Variants in FNDC3B observed in about 807,000 individuals in gnomAD.
FNDC3B encodes fibronectin type III domain containing 3B.
Under a neutral mutation model 151.5 loss-of-function variants are expected in FNDC3B, and 12 were observed. The observed-to-expected ratio is 0.08, with a 90% CI of 0.05 to 0.13. The LOEUF (loss-of-function observed/expected upper bound fraction) is 0.13. FNDC3B is among the 10% of genes least tolerant of loss of function. The pLI, the probability that FNDC3B is intolerant of heterozygous loss-of-function variation, is 1.00. For synonymous variants in FNDC3B, 528 were observed against 549.0 expected, an observed-to-expected ratio of 0.96 and a Z score of 0.54; for missense variants, 1,214 against 1,505.3, an observed-to-expected ratio of 0.81 and a Z score of 3.20.
intron 7 of FNDC3B, among the ~76,000 whole-genome samples, chr3:172,287,326 A>G (rs1338135228): frequency 6.6e-6 from 1 of 151,926 alleles, no homozygotes; most frequent in Non-Finnish European, 1.5e-5. Context: ...ACTGTCAGGG[A>G]CTCTGGAAAG....
chr3:172,232,487 T>G (rs1726941194), intron 4 of FNDC3B, among the ~76,000 whole-genome samples: 1 of 152,176 alleles, frequency 6.6e-6, no homozygotes, highest in Non-Finnish European at 1.5e-5. Flanking sequence ...TACAGATAAC[T>G]GTGGACTTAG....
At position 172,109,837 on chromosome 3, in the gene FNDC3B, A is replaced by G. The variant is rs576452188; in HGVS notation, c.-28-2615A>G. ...GTCTATGAAGTTTTCAAAAGCAAAT[A>G]TAATGATCTCCTTGTGCCAGTGGAC... On this transcript the variant is annotated intron_variant, in intron 1 of 25. Coordinates refer to ENST00000415807, the MANE Select transcript of FNDC3B (RefSeq NM_022763.4). Among the ~76,000 whole-genome samples the G allele has an allele frequency of 3.9e-5, 6 of 152,374 alleles. No individual in the cohort carries two copies. In the South Asian group the frequency reaches 1.0e-3, roughly 26 times the overall value.
intron 23 of FNDC3B, among the ~76,000 whole-genome samples, chr3:172,369,032 T>G (rs1439517667): frequency 6.6e-6 from 1 of 152,166 alleles, no homozygotes; most frequent in African/African-American, 2.4e-5. Flanking sequence ...AGTAACATTT[T>G]TGTTTCTTAG....
chr3:172,110,671 CAG>C (rs1559970325), intron 1 of FNDC3B, among the ~76,000 whole-genome samples: 1 of 151,840 alleles, frequency 6.6e-6, no homozygotes, highest in African/African-American at 2.4e-5. Flanking sequence ...GAGAAGACAA[CAG>C]AGCCACAGTC....
intron 7 of FNDC3B, among the ~76,000 whole-genome samples, chr3:172,289,286 A>T (rs1198202835): frequency 1.5e-4 from 23 of 152,136 alleles, no homozygotes; most frequent in Admixed American, 1.5e-3. Flanking sequence ...CCTGTCTCTC[A>T]CTGTCCTGCC....
chr3:172,315,497 A>G (rs1277689816), intron 11 of FNDC3B, among the ~76,000 whole-genome samples: 2 of 152,210 alleles, frequency 1.3e-5, no homozygotes, highest in African/African-American at 4.8e-5. Context: ...TTCCTTGCCA[A>G]GTTCCCTTGT....
chr3:172,391,819 GAAGT>G (rs1173047879), intron 25 of FNDC3B, among the ~76,000 whole-genome samples: 1 of 152,184 alleles, frequency 6.6e-6, no homozygotes, highest in African/African-American at 2.4e-5. Context: ...TGGAGTCCCA[GAAGT>G]TGCAAATCAT....
intron 3 of FNDC3B, among the ~76,000 whole-genome samples, chr3:172,166,146 T>C (rs527715148): frequency 6.6e-6 from 1 of 152,138 alleles, no homozygotes; most frequent in South Asian, 2.1e-4. Context: ...TTTACATTGG[T>C]GAAAAAAGTC....
chr3:172,186,318 C>T (rs1724178092), intron 3 of FNDC3B, among the ~76,000 whole-genome samples: 1 of 152,180 alleles, frequency 6.6e-6, no homozygotes, highest in Non-Finnish European at 1.5e-5. Context: ...ACCCTCATAA[C>T]ATTTTATAAG....
intron 6 of FNDC3B, among the ~76,000 whole-genome samples, chr3:172,258,779 G>T (rs1728498683): frequency 6.6e-6 from 1 of 152,162 alleles, no homozygotes; most frequent in African/African-American, 2.4e-5. Context: ...AATCTCTTTG[G>T]TCTTGGCTCC....
intron 11 of FNDC3B, among the ~76,000 whole-genome samples, chr3:172,313,560 T>G (rs1210064247): frequency 6.6e-6 from 1 of 152,254 alleles, no homozygotes; most frequent in African/African-American, 2.4e-5. Context: ...TAGTCCACAT[T>G]GCACATTGTC....
rs531409293 is a variant in FNDC3B, at chr3:172,319,849, G to A, written c.1254+8968G>A. 2.6e-5 allele frequency among the ~76,000 whole-genome samples: 4 copies of A among 152,308 alleles called. No individual in the cohort carries two copies. The East Asian group carries it at 7.7e-4, about 29-fold the overall frequency. The stretch of plus-strand genomic sequence containing the variant: ...GCAGACTAAATCTTAGAGTCTGGCC[G>A]TAGTTCAGTTGGCCAGTGCAACTTT... On this transcript the variant is annotated intron_variant, in intron 11 of 25. Transcript: ENST00000415807.
chr3:172,229,084 A>AACACACAC (rs760446690), intron 4 of FNDC3B, among the ~76,000 whole-genome samples: 1,587 of 117,822 alleles, frequency 0.013, 26 homozygotes, highest in African/African-American at 0.025. Flanking sequence ...GAAAGAAAGA[A>AACACACAC]ACACACACAC....
At chr3:172,104,359 C>T (rs545380703) in intron 1 of FNDC3B, among the ~76,000 whole-genome samples, 337 of 149,386 alleles carry the variant, frequency 2.3e-3, no homozygotes, top group African/African-American at 7.7e-3. Flanking sequence ...CAGATTAGAA[C>T]TCATGTTTTC....
At chr3:172,247,819 T>C (rs757756291) in intron 5 of FNDC3B, 43 bp downstream of exon 5, 21 of 1,605,554 alleles carry the variant, frequency 1.3e-5, no homozygotes, top group Non-Finnish European at 1.8e-5. Flanking sequence ...TGAAACTGAT[T>C]ACAGCGTTTC....
At chr3:172,161,240 C>T (rs1722749170) in intron 3 of FNDC3B, among the ~76,000 whole-genome samples, 1 of 152,182 alleles carries the variant, frequency 6.6e-6, no homozygotes, top group South Asian at 2.1e-4. Flanking sequence ...GATCGCTTTT[C>T]CAATCCTGTT....
intron 25 of FNDC3B, among the ~76,000 whole-genome samples, chr3:172,385,854 G>A (rs1198237090): frequency 6.6e-6 from 1 of 152,100 alleles, no homozygotes; most frequent in Non-Finnish European, 1.5e-5. Context: ...CACCATGCCC[G>A]GCCCTTCCCC....
intron 6 of FNDC3B, among the ~76,000 whole-genome samples, chr3:172,267,268 A>G (rs1007301921): frequency 4.0e-5 from 6 of 150,096 alleles, no homozygotes; most frequent in African/African-American, 1.5e-4. Context: ...CAATCCTCCC[A>G]CCTCAGCCTC....
chr3:172,155,754 C>A (rs936591977), intron 3 of FNDC3B, among the ~76,000 whole-genome samples: 2 of 152,188 alleles, frequency 1.3e-5, no homozygotes, highest in African/African-American at 4.8e-5. Flanking sequence ...TTTCCATTTT[C>A]AGTAAAGTCA....
Sources: gnomAD v4.1 joint callset for allele counts (sites outside exome capture counted in the v4.1 genomes callset) on GRCh38, gnomAD v4.1.1 for gene constraint, MANE v1.5 for transcripts, NCBI Gene and HGNC (gene_info 2026-07-23, HGNC 2026-07-21) for gene names.